ERBB4: variants seen among roughly 807,000 people sequenced by gnomAD.
ERBB4 encodes receptor tyrosine-protein kinase erbB-4.
A neutral mutation model predicts 158.0 loss-of-function variants in ERBB4; 42 were observed. The observed-to-expected ratio is 0.27, with a 90% CI of 0.21 to 0.34. The LOEUF (loss-of-function observed/expected upper bound fraction) is 0.34. Among genes scored for constraint, ERBB4 ranks in the 10% least tolerant of loss-of-function variants. ERBB4 has a pLI of 1.00. For synonymous variants in ERBB4, 583 were observed against 558.7 expected (o/e 1.04, Z -0.61); for missense variants, 1,333 against 1,624.1 (o/e 0.82, Z 3.08).
At chr2:212,505,110 T>G (rs6755764) in intron 1 of ERBB4, among the ~76,000 whole-genome samples, 1,891 of 152,290 alleles carry the variant, frequency 0.012, 41 homozygotes, top group African/African-American at 0.043. Flanking sequence ...TGGTTGGTTG[T>G]TTTTGAGACA....
At chr2:211,458,261 CAATG>C (rs765999757) in intron 20 of ERBB4, among the ~76,000 whole-genome samples, 66 of 151,630 alleles carry the variant, frequency 4.4e-4, no homozygotes, top group Non-Finnish European at 7.8e-4. Flanking sequence ...AGAGACAAGA[CAATG>C]AATAATTTTT....
chr2:212,120,510 T>C (rs1390689032), intron 2 of ERBB4, among the ~76,000 whole-genome samples: 1 of 152,218 alleles, frequency 6.6e-6, no homozygotes, highest in African/African-American at 2.4e-5. Context: ...ACTGTCTTAG[T>C]CATAAATGTT....
intron 7 of ERBB4, among the ~76,000 whole-genome samples, chr2:211,714,067 C>T (rs906273947): frequency 6.6e-6 from 1 of 152,214 alleles, no homozygotes; most frequent in African/African-American, 2.4e-5. Flanking sequence ...GTACATTTCA[C>T]ATCCAGGAGA....
chr2:211,827,594 C>A (rs2077130851), intron 3 of ERBB4, among the ~76,000 whole-genome samples: 3 of 149,778 alleles, frequency 2.0e-5, no homozygotes, highest in African/African-American at 7.4e-5. Context: ...ATATACAGTT[C>A]TTTTTTTAAT....
chr2:211,635,605 A>G (rs2070328427), intron 16 of ERBB4, among the ~76,000 whole-genome samples: 1 of 151,848 alleles, frequency 6.6e-6, no homozygotes, highest in South Asian at 2.1e-4. Flanking sequence ...GTCAGACCAC[A>G]AAAAAAATGT....
intron 1 of ERBB4, among the ~76,000 whole-genome samples, chr2:212,128,507 G>C (rs1447042492): frequency 1.1e-4 from 16 of 152,166 alleles, no homozygotes. Context: ...ACACACCTTA[G>C]AGATGGCTGA....
intron 19 of ERBB4, among the ~76,000 whole-genome samples, chr2:211,572,642 T>TTC (rs1488792160): frequency 6.6e-6 from 1 of 152,178 alleles, no homozygotes; most frequent in East Asian, 1.9e-4. Flanking sequence ...TTCCCCTGGT[T>TTC]TCTTCAAGCC....
chr2:211,452,465 C>T (rs1054946198), intron 20 of ERBB4, among the ~76,000 whole-genome samples: 3 of 152,220 alleles, frequency 2.0e-5, no homozygotes, highest in African/African-American at 2.4e-5. Context: ...CGTGAGCCAC[C>T]GCCCCCAGCC....
chr2:211,639,654 A>C (rs1322106056), intron 16 of ERBB4, among the ~76,000 whole-genome samples: 2 of 152,242 alleles, frequency 1.3e-5, no homozygotes, highest in African/African-American at 4.8e-5. Context: ...TTAAGCATAC[A>C]CATTTCTGTC....
intron 7 of ERBB4, among the ~76,000 whole-genome samples, chr2:211,718,310 C>T (rs1038994555): frequency 3.3e-5 from 5 of 152,184 alleles, no homozygotes; most frequent in South Asian, 2.1e-4. Context: ...AACGAAGCCA[C>T]GATCCATAGC....
At chr2:212,364,889 G>A (rs1347778498) in intron 1 of ERBB4, among the ~76,000 whole-genome samples, 1 of 145,012 alleles carries the variant, frequency 6.9e-6, no homozygotes, top group Non-Finnish European at 1.5e-5. Flanking sequence ...CAGATTATTT[G>A]TGTGTGCGTC....
At chr2:212,395,880 G>C (rs1451069317) in intron 1 of ERBB4, among the ~76,000 whole-genome samples, 1 of 152,090 alleles carries the variant, frequency 6.6e-6, no homozygotes, top group East Asian at 1.9e-4. Context: ...GCCTCCCAAA[G>C]TGATGGGATT....
chr2:212,104,013 C>T (rs2079156093), intron 2 of ERBB4, among the ~76,000 whole-genome samples: 1 of 152,044 alleles, frequency 6.6e-6, no homozygotes, highest in South Asian at 2.1e-4. Flanking sequence ...GAAGGAATTA[C>T]TCAACCAAAA....
chr2:211,456,278 C>A (rs2064379331), intron 20 of ERBB4, among the ~76,000 whole-genome samples: 1 of 152,100 alleles, frequency 6.6e-6, no homozygotes, highest in Admixed American at 6.5e-5. Flanking sequence ...TATTCTATGT[C>A]TGTGTTTTTG....
intron 20 of ERBB4, among the ~76,000 whole-genome samples, chr2:211,463,931 CA>C (rs2064604660): frequency 6.6e-6 from 1 of 152,148 alleles, no homozygotes; most frequent in African/African-American, 2.4e-5. Flanking sequence ...GTGCCTCAAA[CA>C]TTATCAAGAC....
chr2:211,434,712 T>G (rs1184587843), intron 20 of ERBB4, among the ~76,000 whole-genome samples: 25 of 152,206 alleles, frequency 1.6e-4, no homozygotes, highest in Admixed American at 1.6e-3. Flanking sequence ...CCAGAAAAGG[T>G]ACTTTCTTCA....
chr2:211,701,557 C>T (rs2073241146), intron 12 of ERBB4, among the ~76,000 whole-genome samples: 1 of 151,632 alleles, frequency 6.6e-6, no homozygotes, highest in Non-Finnish European at 1.5e-5. Flanking sequence ...GAAATCGGGA[C>T]CATCCTGGCT....
Position 212,257,579 on chromosome 2 carries a change from T to G in ERBB4, c.83-132676A>C, listed in dbSNP as rs566501879. Reference sequence around the variant, plus strand: ...ACAGCTTTTATCCAAGAAATAAAATTTACTAAAATGTTAATACCCTAAGCA... The same window carrying G: ...ACAGCTTTTATCCAAGAAATAAAATGTACTAAAATGTTAATACCCTAAGCA... On this transcript the variant is annotated intron_variant, in intron 1 of 27. Transcript: ENST00000342788. Among the ~76,000 whole-genome samples, 4 of 152,254 alleles carry G rather than the reference T, an allele frequency of 2.6e-5. No individual in the cohort carries two copies. The East Asian group carries it at 7.7e-4, about 29-fold the overall frequency.
intron 1 of ERBB4, among the ~76,000 whole-genome samples, chr2:212,202,162 A>G (rs1315029328): frequency 6.6e-6 from 1 of 152,098 alleles, no homozygotes; most frequent in Non-Finnish European, 1.5e-5. Flanking sequence ...CCTTCATTTA[A>G]ATGGATATTT....
Sources: allele counts gnomAD v4.1 joint callset (sites outside exome capture counted in the v4.1 genomes callset), GRCh38; gene constraint gnomAD v4.1.1; transcripts MANE v1.5; gene names NCBI Gene and HGNC (gene_info 2026-07-23, HGNC 2026-07-21).